SH3BGRL2: variants seen among roughly 807,000 people sequenced by gnomAD.
SH3BGRL2 encodes SH3 domain binding glutamate rich protein like 2.
Under a neutral mutation model 14.8 loss-of-function variants are expected in SH3BGRL2, and 21 were observed. The ratio of observed to expected loss-of-function variants is 1.42; its 90% CI spans 1.01 to 2.05. The LOEUF (loss-of-function observed/expected upper bound fraction) is 2.05, where lower values mean the gene tolerates loss of function less well. SH3BGRL2 is among the 30% of genes most tolerant of loss of function. The pLI is 0.00. For synonymous variants in SH3BGRL2, 50 were observed against 47.8 expected (o/e 1.05, Z -0.19); for missense variants, 147 against 130.8 (o/e 1.12, Z -0.61).
chr6:79,574,546 A>G, the SH3BGRL2 span: 1 of 152,172 alleles, frequency 6.6e-6, no homozygotes, highest in Non-Finnish European at 1.5e-5. Flanking sequence ...TCTCTGTGTA[A>G]CAAACTATTC....
chr6:79,569,339 G>C, the SH3BGRL2 span, among the ~76,000 whole-genome samples: 1 of 152,172 alleles, frequency 6.6e-6, no homozygotes, highest in African/African-American at 2.4e-5. Context: ...AGAGAGAATA[G>C]ATTGTAAATG....
the SH3BGRL2 span, among the ~76,000 whole-genome samples, chr6:79,544,094 T>C: frequency 6.6e-6 from 1 of 152,176 alleles, no homozygotes; most frequent in Non-Finnish European, 1.5e-5. Context: ...TCTCAGTTCC[T>C]GTTTCTGGTT....
chr6:79,545,194 C>T, the SH3BGRL2 span, among the ~76,000 whole-genome samples: 1 of 152,330 alleles, frequency 6.6e-6, no homozygotes, highest in East Asian at 1.9e-4. Context: ...AGTTCCTCCC[C>T]TTCTCTGGCC....
chr6:79,625,521 A>T, the SH3BGRL2 span, among the ~76,000 whole-genome samples: 1 of 152,180 alleles, frequency 6.6e-6, no homozygotes, highest in Non-Finnish European at 1.5e-5. Context: ...CATCAAAAAG[A>T]CTTTGTTAAG....
At chr6:79,684,994 G>C (rs1200051159) in intron 2 of SH3BGRL2, among the ~76,000 whole-genome samples, 1 of 152,210 alleles carries the variant, frequency 6.6e-6, no homozygotes, top group Non-Finnish European at 1.5e-5. Flanking sequence ...TTGCTGATCA[G>C]CTGCATGCCC....
the SH3BGRL2 span, among the ~76,000 whole-genome samples, chr6:79,590,028 T>A: frequency 6.6e-6 from 1 of 152,132 alleles, no homozygotes; most frequent in South Asian, 2.1e-4. Context: ...CTGCCCCAGC[T>A]TCCCAAAGTT....
the SH3BGRL2 span, among the ~76,000 whole-genome samples, chr6:79,556,208 A>G: frequency 6.6e-6 from 1 of 152,204 alleles, no homozygotes; most frequent in Non-Finnish European, 1.5e-5. Context: ...TGATCTTAAA[A>G]ATTGCAATTT....
chr6:79,586,837 A>G, the SH3BGRL2 span, among the ~76,000 whole-genome samples: 177 of 152,352 alleles, frequency 1.2e-3, no homozygotes, highest in African/African-American at 3.9e-3. Context: ...GAGTCCATGC[A>G]AAAATAGTTT....
At chr6:79,659,269 A>C (rs1769489729) in intron 1 of SH3BGRL2, among the ~76,000 whole-genome samples, 1 of 152,180 alleles carries the variant, frequency 6.6e-6, no homozygotes, top group Non-Finnish European at 1.5e-5. Context: ...TTATGGTTTT[A>C]GGTCTAACAT....
At chr6:79,618,558 TA>T in the SH3BGRL2 span, among the ~76,000 whole-genome samples, 2 of 151,874 alleles carry the variant, frequency 1.3e-5, no homozygotes, top group Non-Finnish European at 2.9e-5. Context: ...CTACAAAAAT[TA>T]GCCGGGCATG....
chr6:79,631,312 CCCGCCGGGAGGG>C (rs1768817674), upstream of SH3BGRL2: 1 of 623,966 alleles, frequency 1.6e-6, no homozygotes, highest in African/African-American at 1.9e-5. Context: ...TATCTGCGGA[CCCGCCGGGAGGG>C]AGCCAGATCC....
At chr6:79,669,929 C>T (rs1160769238) in intron 1 of SH3BGRL2, among the ~76,000 whole-genome samples, 1 of 152,074 alleles carries the variant, frequency 6.6e-6, no homozygotes, top group African/African-American at 2.4e-5. Flanking sequence ...AACTTTGATC[C>T]GGAAGTGAAG....
intron 1 of SH3BGRL2, among the ~76,000 whole-genome samples, chr6:79,652,034 A>G (rs373707680): frequency 6.6e-6 from 1 of 152,214 alleles, no homozygotes; most frequent in East Asian, 1.9e-4. Context: ...ATGTCTTCAG[A>G]CATTGCCAAA....
At chr6:79,668,310 A>G (rs1030698898) in intron 1 of SH3BGRL2, among the ~76,000 whole-genome samples, 11 of 152,128 alleles carry the variant, frequency 7.2e-5, no homozygotes, top group African/African-American at 2.4e-4. Flanking sequence ...CTGTCTTCCA[A>G]TCAAATCCCT....
intron 1 of SH3BGRL2, among the ~76,000 whole-genome samples, chr6:79,666,464 C>T (rs1408828402): frequency 6.6e-6 from 1 of 152,160 alleles, no homozygotes; most frequent in Non-Finnish European, 1.5e-5. Flanking sequence ...GTACTTTCTG[C>T]CATTTGCATC....
chr6:79,541,145 C>T, the SH3BGRL2 span, among the ~76,000 whole-genome samples: 16 of 152,100 alleles, frequency 1.1e-4, 1 homozygote, highest in South Asian at 3.1e-3. Context: ...CCCAGCTTCA[C>T]GTGAGGCTGA....
At chr6:79,665,390 C>G (rs1241655357) in intron 1 of SH3BGRL2, among the ~76,000 whole-genome samples, 1 of 152,046 alleles carries the variant, frequency 6.6e-6, no homozygotes, top group Non-Finnish European at 1.5e-5. Context: ...CATCCTTCCC[C>G]AAAACATTTG....
the SH3BGRL2 span, among the ~76,000 whole-genome samples, chr6:79,616,326 G>T: frequency 1.1e-4 from 17 of 152,278 alleles, no homozygotes; most frequent in South Asian, 2.7e-3. Context: ...CCTGCATGTG[G>T]CATTTTTAAT....
At chr6:79,599,372 CT>C in the SH3BGRL2 span, among the ~76,000 whole-genome samples, 83,381 of 133,184 alleles carry the variant, frequency 0.63, 25,191 homozygotes, top group East Asian at 0.91. Context: ...TATAACAGAT[CT>C]TTTTTTTTTT....
Sources: gnomAD v4.1 joint callset for allele counts (sites outside exome capture counted in the v4.1 genomes callset) on GRCh38, gnomAD v4.1.1 for gene constraint, MANE v1.5 for transcripts, NCBI Gene and HGNC (gene_info 2026-07-23, HGNC 2026-07-21) for gene names.